The following PSTPIP2 variants were observed in gnomAD, a reference collection of about 807,000 sequenced individuals.
The protein encoded by PSTPIP2 is proline-serine-threonine phosphatase-interacting protein 2.
Under a neutral mutation model 63.3 loss-of-function variants are expected in PSTPIP2, and 33 were observed. The observed-to-expected ratio is 0.52, with a 90% confidence interval of 0.40 to 0.70. PSTPIP2 has a LOEUF of 0.70. PSTPIP2 is among the 30% of genes least tolerant of loss of function. PSTPIP2 has a pLI of 0.00. For missense variants in PSTPIP2, 312 were observed against 400.7 expected (o/e 0.78, Z 1.89); for synonymous variants, 125 against 132.7 (o/e 0.94, Z 0.40).
At chr18:45,990,412 T>A (rs1484894366) in intron 13 of PSTPIP2, among the ~76,000 whole-genome samples, 1 of 146,834 alleles carries the variant, frequency 6.8e-6, no homozygotes, top group African/African-American at 2.7e-5. Flanking sequence ...TTTCGTGGGT[T>A]TTTTGGGGTT....
chr18:45,991,831 T>A, intron 12 of PSTPIP2, 71 bp downstream of exon 12: 1 of 1,407,774 alleles, frequency 7.1e-7, no homozygotes, highest in Non-Finnish European at 9.9e-7. Context: ...TTCTAACATG[T>A]CTTAGAACAT....
At chr18:46,067,588 CCTAA>C (rs1232728620) in intron 1 of PSTPIP2, among the ~76,000 whole-genome samples, 1 of 151,796 alleles carries the variant, frequency 6.6e-6, no homozygotes, top group Non-Finnish European at 1.5e-5. Flanking sequence ...CAAACCGTAA[CCTAA>C]CTAAGAGTAT....
At chr18:46,035,424 A>AAG (rs1238840710) in intron 2 of PSTPIP2, among the ~76,000 whole-genome samples, 1,890 of 41,028 alleles carry the variant, frequency 0.046, 54 homozygotes, top group African/African-American at 0.076. Context: ...TGTCTTAAAA[A>AAG]AAAAAAAAGA....
At chr18:46,050,088 A>C (rs1431690321) in intron 1 of PSTPIP2, among the ~76,000 whole-genome samples, 1 of 152,226 alleles carries the variant, frequency 6.6e-6, no homozygotes, top group African/African-American at 2.4e-5. Flanking sequence ...GCAAGGAACT[A>C]TAGGGAAATA....
intron 3 of PSTPIP2, among the ~76,000 whole-genome samples, chr18:46,019,497 A>G (rs942200704): frequency 5.9e-5 from 9 of 152,136 alleles, no homozygotes; most frequent in African/African-American, 2.2e-4. Flanking sequence ...AGCACAATGC[A>G]TTATAACAGT....
chr18:46,008,542 C>G (rs2051757769), intron 5 of PSTPIP2, among the ~76,000 whole-genome samples: 2 of 152,036 alleles, frequency 1.3e-5, no homozygotes, highest in African/African-American at 2.4e-5. Flanking sequence ...AAACTCCTGA[C>G]CTCAGGTGAT....
chr18:46,004,261 T>C (rs2144074425), intron 6 of PSTPIP2, among the ~76,000 whole-genome samples: 1 of 152,292 alleles, frequency 6.6e-6, no homozygotes, highest in East Asian at 1.9e-4. Flanking sequence ...GCAGAACAGA[T>C]TGCATATGCT....
At chr18:46,058,641 G>C (rs570786348) in intron 1 of PSTPIP2, among the ~76,000 whole-genome samples, 1 of 152,300 alleles carries the variant, frequency 6.6e-6, no homozygotes, top group African/African-American at 2.4e-5. Context: ...TTACATGCAT[G>C]AGCCACTGCA....
At chr18:46,065,418 A>G (rs143793747) in intron 1 of PSTPIP2, among the ~76,000 whole-genome samples, 1,730 of 151,996 alleles carry the variant, frequency 0.011, 14 homozygotes, top group Non-Finnish European at 0.018. Flanking sequence ...CAGCCTCCCA[A>G]GTAGCTGAGT....
In PSTPIP2 at chr18:46,050,463, C is replaced by A. The variant is rs369568963; in HGVS notation, c.34-10416G>T. 2.6e-5 allele frequency among the ~76,000 whole-genome samples: 4 copies of A among 152,122 alleles called. No individual in the cohort carries two copies. The East Asian group carries it at 5.8e-4, about 22-fold the overall frequency. ...GGCATGCACCTGTGGTCCCAGCTAC[C>A]TGGGATGCTAAGGTGAGAGGTCGAG... On this transcript the variant is annotated intron_variant, in intron 1 of 14. Coordinates refer to ENST00000409746, the MANE Select transcript of PSTPIP2 (RefSeq NM_024430.4).
intron 1 of PSTPIP2, among the ~76,000 whole-genome samples, chr18:46,070,009 G>A (rs2144142070): frequency 6.6e-6 from 1 of 152,244 alleles, no homozygotes; most frequent in Middle Eastern, 3.4e-3. Context: ...AAACTCTCAA[G>A]TTTAATCCTC....
intron 14 of PSTPIP2, among the ~76,000 whole-genome samples, chr18:45,986,889 G>A (rs2051472967): frequency 6.6e-6 from 1 of 152,224 alleles, no homozygotes; most frequent in Admixed American, 6.5e-5. Flanking sequence ...CCAGGCTGGA[G>A]TGCAGTGGCG....
chr18:46,009,492 G>C (rs2051772438), intron 5 of PSTPIP2, among the ~76,000 whole-genome samples: 1 of 151,720 alleles, frequency 6.6e-6, no homozygotes, highest in African/African-American at 2.4e-5. Context: ...AGCTTTGAAG[G>C]TATTATCCCA....
intron 10 of PSTPIP2, among the ~76,000 whole-genome samples, chr18:45,992,800 G>T (rs994386361): frequency 6.6e-6 from 1 of 151,824 alleles, no homozygotes; most frequent in Non-Finnish European, 1.5e-5. Flanking sequence ...TCAGCTCACT[G>T]CAACCTCCAC....
intron 1 of PSTPIP2, among the ~76,000 whole-genome samples, chr18:46,050,424 T>C (rs559262941): frequency 2.0e-5 from 3 of 152,134 alleles, no homozygotes; most frequent in East Asian, 1.9e-4. Flanking sequence ...TTTTAAAAAT[T>C]AGCCAGGCAT....
chr18:46,028,715 A>G, intron 2 of PSTPIP2: 2 of 901,346 alleles, frequency 2.2e-6, no homozygotes, highest in South Asian at 2.6e-5. Context: ...AATGCTAGTG[A>G]AAGTAAACTT....
chr18:46,050,468 A>T (rs1908548175), intron 1 of PSTPIP2, among the ~76,000 whole-genome samples: 1 of 152,178 alleles, frequency 6.6e-6, no homozygotes, highest in South Asian at 2.1e-4. Flanking sequence ...GCTACCTGGG[A>T]TGCTAAGGTG....
chr18:46,005,000 A>G (rs2051709600), intron 6 of PSTPIP2, among the ~76,000 whole-genome samples: 1 of 152,260 alleles, frequency 6.6e-6, no homozygotes, highest in Non-Finnish European at 1.5e-5. Flanking sequence ...AATATGTGGT[A>G]CATATACACC....
chr18:46,025,048 G>A (rs993505185), intron 2 of PSTPIP2, among the ~76,000 whole-genome samples: 5 of 151,990 alleles, frequency 3.3e-5, no homozygotes, highest in African/African-American at 1.2e-4. Context: ...ATTCAAATAC[G>A]CAACTAAACT....
Sources: allele counts gnomAD v4.1 joint callset (sites outside exome capture counted in the v4.1 genomes callset), GRCh38; gene constraint gnomAD v4.1.1; transcripts MANE v1.5; gene names NCBI Gene and HGNC (gene_info 2026-07-23, HGNC 2026-07-21).